The following ZFP41 variants were observed in gnomAD, a reference collection of about 807,000 sequenced individuals.
ZFP41 encodes ZFP41 zinc finger protein.
In ZFP41, 10 loss-of-function variants were observed where a neutral mutation model predicts 11.6. The ratio of observed to expected loss-of-function variants is 0.86; its 90% CI spans 0.53 to 1.47. ZFP41 has a LOEUF of 1.47. Ranked by LOEUF, ZFP41 falls within the 40% of genes most tolerant of loss-of-function variation. The probability of loss-of-function intolerance (pLI) is 0.00; values close to 1 mark genes in which losing one functional copy is unlikely to be tolerated. For missense variants in ZFP41, 302 were observed against 264.6 expected (o/e 1.14, Z -0.98); for synonymous variants, 123 against 100.9 (o/e 1.22, Z -1.31).
In ZFP41 at chr8:143,250,326, T is replaced by G; in HGVS notation, c.483T>G (p.His161Gln). The G allele has an allele frequency of 6.2e-7, 1 of 1,613,848 alleles. No individual in the cohort carries two copies. The highest frequency in any genetic ancestry group is 8.5e-7 in the Non-Finnish European group (1 of 1,179,996). Residue 161 changes from histidine (H) to glutamine (Q), a missense_variant, in exon 2 of 3, where the codon CAT becomes CAG. By Grantham distance (24) the His-to-Gln change is conservative (BLOSUM62 0). Coordinates refer to ENST00000330701, the MANE Select transcript of ZFP41 (RefSeq NM_173832.6). Reference sequence around the variant, plus strand: ...ACTGCGGCTCCAATCTCCTGAAACATCAGAAGACGCACACCGGGGAGAAGC... The same window carrying G: ...ACTGCGGCTCCAATCTCCTGAAACAGCAGAAGACGCACACCGGGGAGAAGC... ...AFNCGSNLLK[H>Q]QKTHTGEKPY...
intron 2 of ZFP41, among the ~76,000 whole-genome samples, chr8:143,255,177 C>T (rs369611714): frequency 4.6e-5 from 7 of 152,120 alleles, no homozygotes; most frequent in South Asian, 2.1e-4. Context: ...ATTTCTAGGA[C>T]GCACGTAGTG....
rs4570175 is a variant in ZFP41, at chr8:143,251,145, G to A, written c.*705G>A. The A allele has an allele frequency of 0.42, 70,487 of 167,262 alleles. 16,602 individuals are homozygous for A. The highest frequency in any genetic ancestry group is 0.69 in the East Asian group (3,575 of 5,186). 10.4% of individuals were successfully genotyped at this position (167,262 alleles called of 1,614,324 possible). ...GGCCCAGCCTTCCTCCCAGAGAGGC[G>A]GCCTGACTTACCTGGATGGACTTGG... On this transcript the variant is annotated 3_prime_UTR_variant, in exon 2 of 3. Transcript: ENST00000330701.
At chr8:143,254,857 C>T (rs147551159) in intron 2 of ZFP41, among the ~76,000 whole-genome samples, 2,351 of 152,248 alleles carry the variant, frequency 0.015, 36 homozygotes, top group Middle Eastern at 0.078. Context: ...GGAAGCATTA[C>T]TTTTAATGCC....
In ZFP41 at chr8:143,257,819, G is replaced by A. The variant is rs143679564; in HGVS notation, c.*901-1956G>A. Among the ~76,000 whole-genome samples the A allele has an allele frequency of 7.6e-3, 1,155 of 152,324 alleles. 11 individuals are homozygous for A. Among genetic ancestry groups the A allele is most frequent in the African/African-American group, 0.025 (1,035 of 41,560 alleles). ...AGGAGACACGCACACAGAATCCATC[G>A]CCATGACAGAGATTGTGTGGATGAT... On this transcript the variant is annotated intron_variant, in intron 2 of 2. Transcript: ENST00000330701.
rs542566742 is a variant in ZFP41 at position 143,249,918 on chromosome 8, C to T, written c.75C>T (p.Leu25=). ...AGGCAGACGTGCAGAAGAGTGCGCT[C>T]AGAGAGGAGAAGGTGTCCGGGGACA... ...REEADVQKSA[L]REEKVSGDRK... Residue 25 remains leucine, a synonymous_variant, in exon 2 of 3, where the codon CTC becomes CTT. Transcript: ENST00000330701. 1.2e-6 allele frequency: 2 copies of T among 1,613,612 alleles called. No homozygotes were observed. Among genetic ancestry groups the T allele is most frequent in the African/African-American group, 1.3e-5 (1 of 74,918 alleles).
intron 2 of ZFP41, among the ~76,000 whole-genome samples, chr8:143,257,805 A>G (rs1814947650): frequency 6.6e-6 from 1 of 152,262 alleles, no homozygotes; most frequent in Non-Finnish European, 1.5e-5. Context: ...GGAGACACGC[A>G]CACAGAATCC....
intron 1 of ZFP41, chr8:143,248,287 A>G (rs1160412715): frequency 6.6e-6 from 1 of 152,222 alleles, no homozygotes. Flanking sequence ...TGGAGATAAA[A>G]AAGATACGAT....
intron 2 of ZFP41, among the ~76,000 whole-genome samples, chr8:143,255,539 A>G (rs1415502105): frequency 2.9e-5 from 2 of 69,680 alleles, no homozygotes; most frequent in African/African-American, 6.1e-5. Flanking sequence ...CACGTGCTGG[A>G]GTTAGTGAGA....
chr8:143,253,951 C>T (rs1037925676), intron 2 of ZFP41, among the ~76,000 whole-genome samples: 3 of 152,106 alleles, frequency 2.0e-5, no homozygotes, highest in Admixed American at 6.6e-5. Flanking sequence ...ATTTGATTCT[C>T]ATAAGGAGCG....
Position 143,262,063 on chromosome 8 carries a change from C to T in ZFP41, c.*3189C>T. The T allele has an allele frequency of 5.5e-6, 1 of 181,708 alleles. No homozygotes were observed. The highest frequency in any genetic ancestry group is 1.1e-5 in the Non-Finnish European group (1 of 89,194). 11.3% of individuals were successfully genotyped at this position (181,708 alleles called of 1,614,324 possible). On this transcript the variant is annotated 3_prime_UTR_variant, in exon 3 of 3. Coordinates refer to ENST00000330701, the MANE Select transcript of ZFP41 (RefSeq NM_173832.6). ...TCACGGCTGTCTCCGGCAGCCCCTG[C>T]CCGCGCCCGCACCTCTGCACCTCCC...
intron 2 of ZFP41, among the ~76,000 whole-genome samples, chr8:143,255,390 C>T (rs142084790): frequency 2.0e-5 from 3 of 152,324 alleles, no homozygotes; most frequent in African/African-American, 4.8e-5. Context: ...CGTGTCAGCT[C>T]GCCCCGTGTC....
chr8:143,256,705 C>G (rs1378894719), intron 2 of ZFP41, among the ~76,000 whole-genome samples: 1 of 152,174 alleles, frequency 6.6e-6, no homozygotes, highest in Non-Finnish European at 1.5e-5. Flanking sequence ...GAGCAAGACC[C>G]TGTCTCAAAA....
Position 143,249,964 on chromosome 8 carries a change from A to G in ZFP41, c.121A>G (p.Thr41Ala). Residue 41 changes from threonine (T) to alanine (A), a missense_variant, in exon 2 of 3, where the codon ACT (threonine) becomes GCT (alanine). Thr to Ala is a moderately conservative substitution (Grantham distance 58, BLOSUM62 0). Coordinates refer to ENST00000330701, the MANE Select transcript of ZFP41 (RefSeq NM_173832.6). ...GGACAGAAAGCCACCTGAGAGGCCC[A>G]CTGTGCCCAGGAAGCCCCGCACAGA... ...SGDRKPPERP[T>A]VPRKPRTEPC... The G allele has an allele frequency of 6.2e-7, 1 of 1,614,072 alleles. No homozygotes were observed. Among genetic ancestry groups the G allele is most frequent in the Admixed American group, 1.7e-5 (1 of 60,012 alleles).
Position 143,246,963 on chromosome 8 carries a change from A to T in ZFP41, c.-334A>T, listed in dbSNP as rs576552493. On this transcript the variant is annotated 5_prime_UTR_variant, in exon 1 of 3. Coordinates refer to ENST00000330701, the MANE Select transcript of ZFP41 (RefSeq NM_173832.6). ...CATTTCCTGCCGGTGCCTAGGGCCG[A>T]CGGGGACGCTGGCACTGGTGGGGAG... is the stretch of plus-strand genomic sequence containing the variant. 1 of 152,336 alleles carries T rather than the reference A, an allele frequency of 6.6e-6. No homozygotes were observed. Among genetic ancestry groups the T allele is most frequent in the Non-Finnish European group, 1.5e-5 (1 of 68,166 alleles). The allele number at this position is 152,336 out of a possible 1,614,324, so 9.4% of individuals were successfully genotyped here.
Position 143,250,150 on chromosome 8 carries a change from A to AT in ZFP41, c.309dup (p.Arg104SerfsTer26), listed in dbSNP as rs1816772754. 2 of 1,614,074 alleles carry AT rather than the reference A, an allele frequency of 1.2e-6. No homozygotes were observed. The highest frequency in any genetic ancestry group is 1.7e-6 in the Non-Finnish European group (2 of 1,180,054). On this transcript the variant is annotated frameshift_variant, in exon 2 of 3. Coordinates refer to ENST00000330701, the MANE Select transcript of ZFP41 (RefSeq NM_173832.6). LOFTEE classifies it high-confidence loss of function. ...GATCTTTAAGCACAAGACAGACCAC[A>AT]TTCGCCATCAGAGGGTCCACACTGG... is the stretch of plus-strand genomic sequence containing the variant.
rs79109896 is a variant in ZFP41, at chr8:143,250,482, C to A, written c.*42C>A. ...GACTCGGGCCCTGCGGTGCGAGCCT[C>A]GCCGGACACCTGCTCCGTGGCTCCC... On this transcript the variant is annotated 3_prime_UTR_variant, in exon 2 of 3. Transcript: ENST00000330701. 2 of 1,580,912 alleles carry A rather than the reference C, an allele frequency of 1.3e-6. No individual in the cohort carries two copies. Among genetic ancestry groups the A allele is most frequent in the Admixed American group, 3.5e-5 (2 of 57,586 alleles).
In ZFP41 at chr8:143,261,289, A is replaced by G. The variant is rs1238894129; in HGVS notation, c.*2415A>G. 1.3e-5 allele frequency: 2 copies of G among 152,424 alleles called. No homozygotes were observed. Among genetic ancestry groups the G allele is most frequent in the Admixed American group, 6.5e-5 (1 of 15,288 alleles). 9.4% of individuals were successfully genotyped at this position (152,424 alleles called of 1,614,324 possible). On this transcript the variant is annotated 3_prime_UTR_variant, in exon 3 of 3. Transcript: ENST00000330701. ...TTCTTTCCTGAGAATGAGCTGAGGT[A>G]AAAACATGCTGGGGAGGAAGATGGG...
chr8:143,259,117 G>A (rs13279113), intron 2 of ZFP41, among the ~76,000 whole-genome samples: 5,445 of 152,360 alleles, frequency 0.036, 153 homozygotes, highest in Non-Finnish European at 0.057. Context: ...GTAGCGAAGC[G>A]GGTAAATCAT....
chr8:143,255,179 C>CACGT (rs1173536112), intron 2 of ZFP41, among the ~76,000 whole-genome samples: 28 of 152,236 alleles, frequency 1.8e-4, no homozygotes, highest in Non-Finnish European at 7.4e-5. Flanking sequence ...TTCTAGGACG[C>CACGT]ACGTAGTGGG....
Sources: allele counts gnomAD v4.1 joint callset (sites outside exome capture counted in the v4.1 genomes callset), GRCh38; gene constraint gnomAD v4.1.1; transcripts MANE v1.5; gene names NCBI Gene and HGNC (gene_info 2026-07-23, HGNC 2026-07-21).